The following KCNH7 variants were observed in gnomAD, a reference collection of about 807,000 sequenced individuals.
KCNH7 encodes the protein potassium voltage-gated channel subfamily H member 7, also known as voltage-gated inwardly rectifying potassium channel KCNH7.
KCNH7 carries 49 observed loss-of-function variants against 120.8 expected under a neutral mutation model. The ratio of observed to expected loss-of-function variants is 0.41; its 90% CI spans 0.32 to 0.51. KCNH7 has a LOEUF of 0.51. Ranked by LOEUF, KCNH7 falls within the 20% of genes least tolerant of loss-of-function variation. KCNH7 has a pLI of 0.38. For missense variants in KCNH7, 1,097 were observed against 1,446.6 expected (o/e 0.76, Z 3.92); for synonymous variants, 547 against 516.1 (o/e 1.06, Z -0.81).
intron 1 of KCNH7, among the ~76,000 whole-genome samples, chr2:162,837,714 T>C (rs1345601340): frequency 1.3e-5 from 2 of 152,228 alleles, no homozygotes; most frequent in Non-Finnish European, 2.9e-5. Flanking sequence ...TTATTCCCTA[T>C]ATTTAGTCCA....
intron 2 of KCNH7, among the ~76,000 whole-genome samples, chr2:162,752,592 G>A (rs1230272539): frequency 2.0e-5 from 3 of 151,844 alleles, no homozygotes; most frequent in Non-Finnish European, 2.9e-5. Context: ...GCACACACAC[G>A]GCACAACAGA....
At chr2:162,820,194 C>T (rs1264961245) in intron 2 of KCNH7, among the ~76,000 whole-genome samples, 13 of 107,486 alleles carry the variant, frequency 1.2e-4, no homozygotes. Context: ...CGCCCAGCAC[C>T]ACGCCCGGCT....
intron 2 of KCNH7, among the ~76,000 whole-genome samples, chr2:162,768,126 C>G (rs940051871): frequency 6.6e-6 from 1 of 152,072 alleles, no homozygotes; most frequent in Non-Finnish European, 1.5e-5. Context: ...CAAAATATGT[C>G]CCACGTTTTA....
At chr2:162,795,800 T>C (rs765513612) in intron 2 of KCNH7, 12 of 152,134 alleles carry the variant, frequency 7.9e-5, no homozygotes, top group Non-Finnish European at 2.9e-5. Context: ...TGACTGGTTC[T>C]ATTTTTACAT....
Position 162,755,369 on chromosome 2 carries a change from G to A in KCNH7, c.307+81168C>T, listed in dbSNP as rs188468124. On this transcript the variant is annotated intron_variant, in intron 2 of 15. Coordinates refer to ENST00000332142, the MANE Select transcript of KCNH7 (RefSeq NM_033272.4). The stretch of plus-strand genomic sequence containing the variant: ...CACCTGTAATCCTAGCTACTTGGGA[G>A]GCTGAGGCAGGAAAATCACTTGAAC... Among the ~76,000 whole-genome samples the A allele has an allele frequency of 7.5e-4, 114 of 152,210 alleles. 2 individuals carry two copies. In the South Asian group the frequency reaches 0.011, roughly 15 times the overall value.
At chr2:162,725,347 T>C (rs1687476392) in intron 2 of KCNH7, among the ~76,000 whole-genome samples, 1 of 152,202 alleles carries the variant, frequency 6.6e-6, no homozygotes, top group South Asian at 2.1e-4. Flanking sequence ...GAAACATTTA[T>C]CACCATGTCT....
intron 2 of KCNH7, among the ~76,000 whole-genome samples, chr2:162,762,979 T>C (rs1337730235): frequency 6.6e-6 from 1 of 152,024 alleles, no homozygotes; most frequent in Non-Finnish European, 1.5e-5. Context: ...AATAACACAT[T>C]CATCATGTCA....
chr2:162,558,276 G>A (rs544285572), intron 2 of KCNH7, among the ~76,000 whole-genome samples: 1 of 151,786 alleles, frequency 6.6e-6, no homozygotes, highest in Non-Finnish European at 1.5e-5. Context: ...CTGGGTTCAC[G>A]CCATTCTCCT....
chr2:162,387,618 T>G (rs1686612925), intron 12 of KCNH7, among the ~76,000 whole-genome samples: 1 of 151,706 alleles, frequency 6.6e-6, no homozygotes, highest in Admixed American at 6.6e-5. Context: ...CAACCACAGA[T>G]TTGCTTCTGA....
rs192948231 is a variant in KCNH7, at chr2:162,411,285, G to A, written c.2155-10844C>T. Among the ~76,000 whole-genome samples, 65 of 152,194 alleles carry A rather than the reference G, an allele frequency of 4.3e-4. No homozygotes were observed. In the East Asian group the frequency reaches 0.011, roughly 26 times the overall value. On this transcript the variant is annotated intron_variant, in intron 9 of 15. Transcript: ENST00000332142. ...TGGAATACTATGCAACCATAAAAAA[G>A]AATGAAATTATGTCCTTTGCAGCAA...
chr2:162,647,350 G>T (rs1684399889), intron 2 of KCNH7, among the ~76,000 whole-genome samples: 2 of 152,104 alleles, frequency 1.3e-5, no homozygotes, highest in South Asian at 4.1e-4. Context: ...AAAGCAGCTA[G>T]CCCCTATTAC....
intron 2 of KCNH7, among the ~76,000 whole-genome samples, chr2:162,736,189 C>T (rs1687903889): frequency 6.6e-6 from 1 of 152,216 alleles, no homozygotes; most frequent in Non-Finnish European, 1.5e-5. Flanking sequence ...AGGATTGGCA[C>T]ACTGACTAAA....
At chr2:162,639,031 C>A (rs190500921) in intron 2 of KCNH7, among the ~76,000 whole-genome samples, 1 of 152,202 alleles carries the variant, frequency 6.6e-6, no homozygotes, top group East Asian at 1.9e-4. Flanking sequence ...AATCCTTGGC[C>A]TCTGCCTATT....
intron 6 of KCNH7, among the ~76,000 whole-genome samples, chr2:162,465,128 C>T (rs1326543618): frequency 6.6e-6 from 1 of 152,112 alleles, no homozygotes; most frequent in Non-Finnish European, 1.5e-5. Flanking sequence ...TCATCTCTAT[C>T]ATTTTGTTGT....
In KCNH7 at chr2:162,768,410, A is replaced by G. The variant is rs1218410926; in HGVS notation, c.307+68127T>C. Reference sequence around the variant, plus strand: ...AACCCAACAGCATCGATCATCTAGCATCATCCATTTACCTCTGAAGTCAAA... The same window carrying G: ...AACCCAACAGCATCGATCATCTAGCGTCATCCATTTACCTCTGAAGTCAAA... On this transcript the variant is annotated intron_variant, in intron 2 of 15. Coordinates refer to ENST00000332142, the MANE Select transcript of KCNH7 (RefSeq NM_033272.4). 2.6e-5 allele frequency among the ~76,000 whole-genome samples: 4 copies of G among 152,154 alleles called. No individual in the cohort carries two copies. In the East Asian group the frequency reaches 5.8e-4, roughly 22 times the overall value.
intron 2 of KCNH7, among the ~76,000 whole-genome samples, chr2:162,792,710 T>TA (rs1683996168): frequency 6.9e-6 from 1 of 145,296 alleles, no homozygotes; most frequent in African/African-American, 2.7e-5. Flanking sequence ...AGCAGCTTAT[T>TA]TTTTTTTTTT....
intron 2 of KCNH7, among the ~76,000 whole-genome samples, chr2:162,834,768 C>T (rs998855068): frequency 3.3e-5 from 5 of 152,034 alleles, no homozygotes; most frequent in African/African-American, 9.7e-5. Flanking sequence ...ACGCCACTTG[C>T]GGTGTAATAG....
chr2:162,496,235 G>A (rs895278437), intron 6 of KCNH7, among the ~76,000 whole-genome samples: 1 of 152,140 alleles, frequency 6.6e-6, no homozygotes, highest in Non-Finnish European at 1.5e-5. Context: ...CACTCCTGAA[G>A]AAGGGAATGA....
At chr2:162,633,422 TA>T (rs1361054166) in intron 2 of KCNH7, among the ~76,000 whole-genome samples, 1 of 151,998 alleles carries the variant, frequency 6.6e-6, no homozygotes, top group East Asian at 1.9e-4. Flanking sequence ...TTATGGTGTA[TA>T]ATTTAATTTT....
Sources: allele counts gnomAD v4.1 joint callset (sites outside exome capture counted in the v4.1 genomes callset), GRCh38; gene constraint gnomAD v4.1.1; transcripts MANE v1.5; gene names NCBI Gene and HGNC (gene_info 2026-07-23, HGNC 2026-07-21).